The following RGS6 variants were observed in gnomAD, a reference collection of about 807,000 sequenced individuals.
The protein encoded by RGS6 is regulator of G protein signaling 6.
In RGS6, 30 loss-of-function variants were observed where a neutral mutation model predicts 78.5. The observed-to-expected ratio is 0.38, with a 90% confidence interval of 0.29 to 0.52. RGS6 has a LOEUF of 0.52. Ranked by LOEUF, RGS6 falls within the 20% of genes least tolerant of loss-of-function variation. The probability of loss-of-function intolerance (pLI) is 0.85; values close to 1 mark genes in which losing one functional copy is unlikely to be tolerated. For synonymous variants in RGS6, 206 were observed against 206.0 expected (o/e 1.00, Z 0.00); for missense variants, 495 against 609.7 (o/e 0.81, Z 1.98).
chr14:72,185,907 A>C (rs1384863525), intron 2 of RGS6, among the ~76,000 whole-genome samples: 1 of 152,258 alleles, frequency 6.6e-6, no homozygotes, highest in Non-Finnish European at 1.5e-5. Context: ...ACTGTACTTG[A>C]GCCTGGGTGA....
At chr14:71,873,416 GT>G in the RGS6 span, among the ~76,000 whole-genome samples, 1 of 152,098 alleles carries the variant, frequency 6.6e-6, no homozygotes, top group Admixed American at 6.5e-5. Flanking sequence ...TTTTTCATGT[GT>G]TTTTTGGCTG....
intron 15 of RGS6, among the ~76,000 whole-genome samples, chr14:72,522,307 A>G (rs931434861): frequency 6.6e-6 from 1 of 152,116 alleles, no homozygotes; most frequent in Non-Finnish European, 1.5e-5. Flanking sequence ...TTTGAACCTA[A>G]TTACCTCTCA....
chr14:72,152,300 T>C (rs1375965408), intron 2 of RGS6, among the ~76,000 whole-genome samples: 1 of 150,846 alleles, frequency 6.6e-6, no homozygotes, highest in African/African-American at 2.4e-5. Context: ...GAGGTCAGAC[T>C]CAAGTCCAGC....
chr14:72,334,658 G>T (rs2075704561), intron 2 of RGS6, among the ~76,000 whole-genome samples: 1 of 152,210 alleles, frequency 6.6e-6, no homozygotes, highest in Admixed American at 6.5e-5. Context: ...TTCATGAGGG[G>T]ACTGAGACCT....
At chr14:72,072,086 G>A (rs933656170) in intron 2 of RGS6, among the ~76,000 whole-genome samples, 4 of 152,172 alleles carry the variant, frequency 2.6e-5, no homozygotes, top group Non-Finnish European at 5.9e-5. Flanking sequence ...TAAGCACATG[G>A]CAAGCATTGT....
rs1293106831 is a variant in RGS6, at chr14:72,537,726, TTTC to T, written c.1368+1454_1368+1456del. The T allele has an allele frequency of 6.6e-5, 40 of 601,774 alleles. 2 individuals are homozygous for T. The South Asian group carries it at 8.1e-4, about 12-fold the overall frequency. The allele number at this position is 601,774 out of a possible 1,614,324, so 37.3% of individuals were successfully genotyped here. On this transcript the variant is annotated intron_variant, in intron 16 of 17. Coordinates refer to ENST00000553525, the MANE Select transcript of RGS6 (RefSeq NM_001204424.2). The stretch of plus-strand genomic sequence containing the variant: ...TCATGGATGAAGGTCAAAGTAAGTT[TTTC>T]TTATTTTCTGTGGCTCAAGACCCCT...
chr14:72,562,629 A>C lies in RGS6; in HGVS notation c.*162A>C. ...GATGGTGGGGAGACTCGGTGGGTGA[A>C]TGGGGAGACCAGAAAGAAAGAGTCC... On this transcript the variant is annotated 3_prime_UTR_variant, in exon 18 of 18. Coordinates refer to ENST00000553525, the MANE Select transcript of RGS6 (RefSeq NM_001204424.2). 1 of 1,534,456 alleles carries C rather than the reference A, an allele frequency of 6.5e-7. No individual in the cohort carries two copies. The highest frequency in any genetic ancestry group is 1.2e-5 in the South Asian group (1 of 84,000).
At chr14:72,484,325 G>C (rs1429401115) in intron 12 of RGS6, among the ~76,000 whole-genome samples, 1 of 152,090 alleles carries the variant, frequency 6.6e-6, no homozygotes, top group Admixed American at 6.6e-5. Flanking sequence ...TTGTTTGTTT[G>C]TTTTCCTGGA....
intron 3 of RGS6, among the ~76,000 whole-genome samples, chr14:72,415,792 T>G (rs2093765911): frequency 6.6e-6 from 1 of 152,238 alleles, no homozygotes; most frequent in South Asian, 2.1e-4. Context: ...TGAATTTTAC[T>G]CCTCTCTGTC....
intron 17 of RGS6, among the ~76,000 whole-genome samples, chr14:72,543,351 G>A (rs1404115136): frequency 6.6e-6 from 1 of 152,192 alleles, no homozygotes; most frequent in African/African-American, 2.4e-5. Flanking sequence ...CCTTGTCCGA[G>A]GAGCCTGTTT....
At chr14:72,036,955 G>C (rs2091798651) in intron 2 of RGS6, among the ~76,000 whole-genome samples, 1 of 151,976 alleles carries the variant, frequency 6.6e-6, no homozygotes, top group Admixed American at 6.6e-5. Context: ...GTATTGAGAG[G>C]TGTAGCCAGC....
At chr14:72,183,636 A>G (rs2097202387) in intron 2 of RGS6, among the ~76,000 whole-genome samples, 1 of 152,210 alleles carries the variant, frequency 6.6e-6, no homozygotes, top group African/African-American at 2.4e-5. Context: ...GAACATGAAT[A>G]ATACGTTAAA....
the RGS6 span, among the ~76,000 whole-genome samples, chr14:72,584,367 A>T: frequency 6.6e-6 from 1 of 152,236 alleles, no homozygotes; most frequent in Non-Finnish European, 1.5e-5. Flanking sequence ...ACAGAGAGAT[A>T]AACACATAGG....
intron 3 of RGS6, among the ~76,000 whole-genome samples, chr14:72,389,651 C>T (rs1046459767): frequency 6.6e-6 from 1 of 152,180 alleles, no homozygotes; most frequent in Non-Finnish European, 1.5e-5. Context: ...TGAGTGGTAG[C>T]ATCCTAAGCA....
chr14:72,259,703 C>T (rs572364255), intron 2 of RGS6, among the ~76,000 whole-genome samples: 4 of 150,956 alleles, frequency 2.6e-5, no homozygotes, highest in Non-Finnish European at 4.4e-5. Context: ...GTCAGGAGAT[C>T]GACACCATCC....
intron 2 of RGS6, among the ~76,000 whole-genome samples, chr14:72,235,551 A>G (rs1286643977): frequency 6.6e-6 from 1 of 152,218 alleles, no homozygotes; most frequent in Admixed American, 6.5e-5. Flanking sequence ...TCTTATTTCA[A>G]TTATATCCAT....
intron 2 of RGS6, among the ~76,000 whole-genome samples, chr14:72,244,050 T>C (rs1344041411): frequency 6.6e-6 from 1 of 152,152 alleles, no homozygotes; most frequent in African/African-American, 2.4e-5. Flanking sequence ...GCTGGAAAAG[T>C]CCCTGCAGTC....
chr14:72,521,608 A>G (rs2097042906), intron 15 of RGS6, among the ~76,000 whole-genome samples: 1 of 152,244 alleles, frequency 6.6e-6, no homozygotes, highest in Non-Finnish European at 1.5e-5. Flanking sequence ...ATCTGCTAGG[A>G]TTAGTCTCCC....
At chr14:72,281,201 T>G (rs1396362674) in intron 2 of RGS6, among the ~76,000 whole-genome samples, 3 of 140,944 alleles carry the variant, frequency 2.1e-5, no homozygotes, top group South Asian at 4.5e-4. Context: ...CAGGCTGGGG[T>G]GCAATGGTGC....
Sources: gnomAD v4.1 joint callset for allele counts (sites outside exome capture counted in the v4.1 genomes callset) on GRCh38, gnomAD v4.1.1 for gene constraint, MANE v1.5 for transcripts, NCBI Gene and HGNC (gene_info 2026-07-23, HGNC 2026-07-21) for gene names.